UGDH: variants seen among roughly 807,000 people sequenced by gnomAD.
UGDH encodes UDP-glucose 6-dehydrogenase, also known as UDP-Glc dehydrogenase.
UGDH carries 38 observed loss-of-function variants against 50.6 expected under a neutral mutation model. That is an observed-to-expected ratio of 0.75 (90% CI 0.58 to 0.98). The LOEUF (loss-of-function observed/expected upper bound fraction) is 0.98, where lower values mean the gene tolerates loss of function less well. Among genes scored for constraint, UGDH ranks in the 50% least tolerant of loss-of-function variants. UGDH has a pLI of 0.00. For synonymous variants in UGDH, 168 were observed against 199.9 expected (o/e 0.84, Z 1.35); for missense variants, 465 against 606.2 (o/e 0.77, Z 2.45).
chr4:39,510,633 C>T (rs1746208263), intron 4 of UGDH, 28 bp downstream of exon 4: 1 of 1,613,920 alleles, frequency 6.2e-7, no homozygotes, highest in African/African-American at 1.3e-5. Context: ...ATAAGAATAA[C>T]CAGATTCTAA....
At chr4:39,522,730 T>C (rs1392405606) in intron 1 of UGDH, among the ~76,000 whole-genome samples, 3 of 151,770 alleles carry the variant, frequency 2.0e-5, no homozygotes, top group Non-Finnish European at 2.9e-5. Flanking sequence ...TTTAGTGGTA[T>C]AGATATCAAC....
At chr4:39,520,925 T>A (rs111911830) in intron 2 of UGDH, among the ~76,000 whole-genome samples, 1,558 of 151,638 alleles carry the variant, frequency 0.01, 24 homozygotes, top group African/African-American at 0.034. Context: ...ATACAAAAAT[T>A]AGCTGGGTGT....
At position 39,498,981 on chromosome 4, in the gene UGDH, A is replaced by T. The variant is rs1288396480; in HGVS notation, c.*1162T>A. ...ACACAAGCAAAAATAACCACTGAAA[A>T]TATAAAACTCAACAAGAGACATAAG... On this transcript the variant is annotated 3_prime_UTR_variant, in exon 12 of 12. Coordinates refer to ENST00000316423, the MANE Select transcript of UGDH (RefSeq NM_003359.4). 2 of 152,222 alleles carry T rather than the reference A, an allele frequency of 1.3e-5. No homozygotes were observed. The highest frequency in any genetic ancestry group is 1.3e-4 in the Admixed American group (2 of 15,272). The allele number at this position is 152,222 out of a possible 1,614,324, so 9.4% of individuals were successfully genotyped here. A position where few individuals can be genotyped will look rare whatever the true frequency, so the allele number is the denominator to read the frequency against.
Position 39,508,605 on chromosome 4 carries a change from C to T in UGDH, c.867G>A (p.Glu289=). 6.2e-7 allele frequency: 1 copy of T among 1,610,202 alleles called. No homozygotes were observed. The highest frequency in any genetic ancestry group is 1.7e-5 in the Admixed American group (1 of 59,404). The change falls in exon 7 of 12, where the codon GAG becomes GAA. Residue 289 remains glutamate (E), a synonymous_variant. Coordinates refer to ENST00000316423, the MANE Select transcript of UGDH (RefSeq NM_003359.4). ...GAGCTACTTCTGGCAAATTCAGAGC[C>T]TCACAGAGATAAACCAAATTCAGAA... is the stretch of plus-strand genomic sequence containing the variant. ...KDVLNLVYLC[E]ALNLPEVARY...
intron 7 of UGDH, among the ~76,000 whole-genome samples, chr4:39,506,406 A>T (rs3796518): frequency 6.6e-6 from 1 of 151,802 alleles, no homozygotes; most frequent in East Asian, 1.9e-4. Context: ...AAACCATACT[A>T]TCCTTAGTCC....
intron 7 of UGDH, among the ~76,000 whole-genome samples, chr4:39,508,099 A>G (rs1018458421): frequency 2.6e-5 from 4 of 152,234 alleles, no homozygotes; most frequent in African/African-American, 9.6e-5. Flanking sequence ...CAATAAATAA[A>G]CATAAAATAA....
At chr4:39,511,269 T>C (rs996995120) in intron 3 of UGDH, among the ~76,000 whole-genome samples, 1 of 151,748 alleles carries the variant, frequency 6.6e-6, no homozygotes, top group African/African-American at 2.4e-5. Context: ...TAAAGTCTTT[T>C]TTTTTTTTTT....
intron 11 of UGDH, among the ~76,000 whole-genome samples, chr4:39,501,178 A>G (rs1434170788): frequency 2.7e-5 from 4 of 149,122 alleles, no homozygotes; most frequent in Non-Finnish European, 4.4e-5. Flanking sequence ...ATGTTGGCCA[A>G]GCTGGTCTCG....
intron 7 of UGDH, among the ~76,000 whole-genome samples, chr4:39,506,948 A>G (rs1202347646): frequency 2.0e-5 from 3 of 152,188 alleles, no homozygotes; most frequent in Non-Finnish European, 4.4e-5. Context: ...ACTTGAGCCC[A>G]AGAGTTGGAA....
At position 39,527,274 on chromosome 4, in the gene UGDH, G is replaced by C; in HGVS notation, c.-8+9C>G. ...CGGGCGGCGGGGCCAGCCTGGGAGC[G>C]GCGCTTACCCACTTCCCAGCAGCAA... On this transcript the variant is annotated intron_variant, in intron 1 of 11. Transcript: ENST00000316423. 1 of 439,216 alleles carries C rather than the reference G, an allele frequency of 2.3e-6. No homozygotes were observed. Among genetic ancestry groups the C allele is most frequent in the Non-Finnish European group, 3.9e-6 (1 of 255,076 alleles). 27.2% of individuals were successfully genotyped at this position (439,216 alleles called of 1,614,324 possible).
Position 39,527,318 on chromosome 4 carries a change from T to C in UGDH, c.-43A>G, listed in dbSNP as rs13127236. The C allele has an allele frequency of 8.9e-6, 3 of 338,750 alleles. No homozygotes were observed. The highest frequency in any genetic ancestry group is 4.4e-5 in the African/African-American group (2 of 45,380). The allele number at this position is 338,750 out of a possible 1,614,324, so 21.0% of individuals were successfully genotyped here. ...GCAGCAAGCGCAGGGACCGCTCCTATCCCGATCGTTCGGACAGCACCTTCC... is the reference window on the plus strand; with the variant it reads ...GCAGCAAGCGCAGGGACCGCTCCTACCCCGATCGTTCGGACAGCACCTTCC... On this transcript the variant is annotated 5_prime_UTR_variant, in exon 1 of 12. Transcript: ENST00000316423.
At chr4:39,510,041 G>T in intron 5 of UGDH, 134 bp from the exon 6 acceptor site, 1 of 1,040,174 alleles carries the variant, frequency 9.6e-7, no homozygotes, top group Non-Finnish European at 1.3e-6. Flanking sequence ...AATTTGAGGA[G>T]ACAATGGATG....
At chr4:39,521,568 A>T in intron 1 of UGDH, 49 bp from the exon 2 acceptor site, 1 of 1,408,406 alleles carries the variant, frequency 7.1e-7, no homozygotes. Flanking sequence ...CAGAAAATTT[A>T]AAGAAATAAT....
At chr4:39,511,230 A>G (rs1746232137) in intron 3 of UGDH, among the ~76,000 whole-genome samples, 1 of 151,568 alleles carries the variant, frequency 6.6e-6, no homozygotes, top group Non-Finnish European at 1.5e-5. Context: ...TGTACATAAT[A>G]TATTATTATA....
At position 39,523,004 on chromosome 4, in the gene UGDH, A is replaced by AGAAATC. The variant is rs1261528773; in HGVS notation, c.-7-1486_-7-1485insGATTTC. Among the ~76,000 whole-genome samples the AGAAATC allele has an allele frequency of 5.0e-4, 76 of 151,566 alleles. 1 individual carries two copies. Among genetic ancestry groups the AGAAATC allele is most frequent in the Non-Finnish European group, 8.4e-4 (57 of 67,870 alleles). ...TCTGGATTTCTTGACCTCGTGATCC[A>AGAAATC]CCCGCCTCAGCCTCCAAAAGTGCTG... On this transcript the variant is annotated intron_variant, in intron 1 of 11. Coordinates refer to ENST00000316423, the MANE Select transcript of UGDH (RefSeq NM_003359.4).
chr4:39,506,233 T>A lies in UGDH; in HGVS notation c.907-485A>T, dbSNP rs202231238. Among the ~76,000 whole-genome samples the A allele has an allele frequency of 1.5e-3, 200 of 131,108 alleles. 2 individuals carry two copies. The highest frequency in any genetic ancestry group is 3.7e-3 in the East Asian group (16 of 4,312). 86.0% of individuals were successfully genotyped at this position (131,108 alleles called of 152,430 possible). On this transcript the variant is annotated intron_variant, in intron 7 of 11. Coordinates refer to ENST00000316423, the MANE Select transcript of UGDH (RefSeq NM_003359.4). Reference sequence around the variant, plus strand: ...ACAGAGCCAGACCCTGCCGTAAATTTAAAAAAAAAAAAAAAGCCATTCTAA... The same window carrying A: ...ACAGAGCCAGACCCTGCCGTAAATTAAAAAAAAAAAAAAAAGCCATTCTAA...
chr4:39,502,897 C>T, intron 11 of UGDH, among the ~76,000 whole-genome samples: 1 of 151,992 alleles, frequency 6.6e-6, no homozygotes, highest in Non-Finnish European at 1.5e-5. Flanking sequence ...CAGGCACAGG[C>T]CACCAAGCCT....
In UGDH at chr4:39,508,626, C is replaced by G; in HGVS notation, c.846G>C (p.Leu282=). The change falls in exon 7 of 12, where the codon CTG becomes CTC. Residue 282 remains leucine, a synonymous_variant. Coordinates refer to ENST00000316423, the MANE Select transcript of UGDH (RefSeq NM_003359.4). ...FGGSCFQKDV[L]NLVYLCEALN... Reference sequence around the variant, plus strand: ...GAGCCTCACAGAGATAAACCAAATTCAGAACATCCTTTTGGAAACAGCTCC... The same window carrying G: ...GAGCCTCACAGAGATAAACCAAATTGAGAACATCCTTTTGGAAACAGCTCC... The G allele has an allele frequency of 6.2e-7, 1 of 1,604,988 alleles. No homozygotes were observed.
chr4:39,522,831 C>T (rs1403322328), intron 1 of UGDH, among the ~76,000 whole-genome samples: 1 of 150,850 alleles, frequency 6.6e-6, no homozygotes, highest in African/African-American at 2.4e-5. Context: ...AATGTGACCT[C>T]GGCTCACTGC....
Sources: gnomAD v4.1 joint callset for allele counts (sites outside exome capture counted in the v4.1 genomes callset) on GRCh38, gnomAD v4.1.1 for gene constraint, MANE v1.5 for transcripts, NCBI Gene and HGNC (gene_info 2026-07-23, HGNC 2026-07-21) for gene names.